TPRG1: variants seen among roughly 807,000 people sequenced by gnomAD.
TPRG1 encodes the protein tumor protein p63 regulated 1.
A neutral mutation model predicts 29.3 loss-of-function variants in TPRG1; 29 were observed. The observed-to-expected ratio is 0.99, with a 90% CI of 0.74 to 1.35. The LOEUF (loss-of-function observed/expected upper bound fraction) is 1.35. Ranked by LOEUF, TPRG1 falls within the 40% of genes most tolerant of loss-of-function variation. The pLI, the probability that TPRG1 is intolerant of heterozygous loss-of-function variation, is 0.00. For missense variants in TPRG1, 327 were observed against 335.0 expected, an observed-to-expected ratio of 0.98 and a Z score of 0.19; for synonymous variants, 130 against 116.8, an observed-to-expected ratio of 1.11 and a Z score of -0.73.
chr3:189,218,386 G>A (rs1227816337), intron 3 of TPRG1, among the ~76,000 whole-genome samples: 1 of 152,132 alleles, frequency 6.6e-6, no homozygotes, highest in African/African-American at 2.4e-5. Context: ...AAAGTGCTAG[G>A]ATTACAGGCG....
intron 4 of TPRG1, among the ~76,000 whole-genome samples, chr3:189,071,247 A>T (rs1716796388): frequency 6.6e-6 from 1 of 152,114 alleles, no homozygotes; most frequent in Non-Finnish European, 1.5e-5. Context: ...TTCCTTTTCC[A>T]TGTGGGAACT....
rs180831998 is a variant in TPRG1 at position 189,199,568 on chromosome 3, G to A, written c.-9-7808G>A. On this transcript the variant is annotated intron_variant, in intron 1 of 5. Transcript: ENST00000345063. ...AAGAGTAGTATCCAGGGCCGGGCCC[G>A]ATGGCTTACGCCTGTAATCCCAGCA... 6.0e-3 allele frequency among the ~76,000 whole-genome samples: 911 copies of A among 152,252 alleles called. 11 individuals carry two copies. The highest frequency in any genetic ancestry group is 0.019 in the African/African-American group (789 of 41,558).
chr3:189,312,108 T>TCTTTCTTCCTTC (rs1722635738), intron 5 of TPRG1, among the ~76,000 whole-genome samples: 1 of 77,182 alleles, frequency 1.3e-5, no homozygotes, highest in African/African-American at 6.2e-5. Context: ...TTTCTTTGTT[T>TCTTTCTTCCTTC]CTTTCTTTGT....
intron 4 of TPRG1, among the ~76,000 whole-genome samples, chr3:189,041,488 G>A (rs1290055749): frequency 6.6e-6 from 1 of 152,162 alleles, no homozygotes; most frequent in Non-Finnish European, 1.5e-5. Context: ...CAGGACTATT[G>A]TGATTAAGTA....
intron 5 of TPRG1, among the ~76,000 whole-genome samples, chr3:189,157,919 A>G (rs867396834): frequency 2.6e-5 from 4 of 152,158 alleles, no homozygotes; most frequent in Admixed American, 6.5e-5. Context: ...AGTATTATAC[A>G]ATGTATGTTG....
chr3:189,024,542 T>C (rs1272739159), intron 4 of TPRG1, among the ~76,000 whole-genome samples: 1 of 152,214 alleles, frequency 6.6e-6, no homozygotes, highest in Non-Finnish European at 1.5e-5. Context: ...AGTGTGGCGA[T>C]GTTCTGGTGA....
intron 1 of TPRG1, among the ~76,000 whole-genome samples, chr3:189,126,479 T>TTATC (rs1722510728): frequency 6.6e-6 from 1 of 152,218 alleles, no homozygotes; most frequent in Non-Finnish European, 1.5e-5. Context: ...ACCTGCCTTA[T>TTATC]TATCCCCTGG....
chr3:189,258,870 C>T (rs1712436247), intron 4 of TPRG1, among the ~76,000 whole-genome samples: 1 of 152,146 alleles, frequency 6.6e-6, no homozygotes, highest in Non-Finnish European at 1.5e-5. Flanking sequence ...AGCTCAGTGT[C>T]CCAGGTCGAC....
At chr3:189,218,244 G>C (rs1170147924) in intron 3 of TPRG1, among the ~76,000 whole-genome samples, 2 of 151,946 alleles carry the variant, frequency 1.3e-5, no homozygotes, top group Non-Finnish European at 2.9e-5. Context: ...CTCCTGAGTA[G>C]CTGGGACTAC....
intron 5 of TPRG1, among the ~76,000 whole-genome samples, chr3:189,163,959 A>AT (rs3884278): frequency 0.23 from 34,965 of 151,074 alleles, 7,980 homozygotes; most frequent in African/African-American, 0.59. Context: ...AAAAATATGC[A>AT]TTTTTTTTTC....
At chr3:189,036,765 A>G (rs1578222837) in intron 4 of TPRG1, among the ~76,000 whole-genome samples, 1 of 151,994 alleles carries the variant, frequency 6.6e-6, no homozygotes, top group Non-Finnish European at 1.5e-5. Flanking sequence ...AAGGTGATGT[A>G]AATTTAGATG....
intron 3 of TPRG1, among the ~76,000 whole-genome samples, chr3:189,238,331 T>C (rs1739878203): frequency 6.6e-6 from 1 of 152,202 alleles, no homozygotes; most frequent in African/African-American, 2.4e-5. Context: ...AAATTTGTGG[T>C]ACGGATTCAG....
chr3:189,030,454 T>C (rs1713873067), intron 4 of TPRG1, among the ~76,000 whole-genome samples: 1 of 152,238 alleles, frequency 6.6e-6, no homozygotes. Context: ...CTTTCTTTTT[T>C]CTAATTAATC....
At chr3:189,229,241 A>C (rs1738262259) in intron 3 of TPRG1, among the ~76,000 whole-genome samples, 1 of 152,214 alleles carries the variant, frequency 6.6e-6, no homozygotes, top group Non-Finnish European at 1.5e-5. Flanking sequence ...AAATCTAAGC[A>C]AGATATTTTT....
intron 4 of TPRG1, among the ~76,000 whole-genome samples, chr3:189,071,881 A>C (rs886810210): frequency 6.6e-6 from 1 of 152,212 alleles, no homozygotes; most frequent in African/African-American, 2.4e-5. Flanking sequence ...TAAAATCAGC[A>C]CCTAGATCTC....
At chr3:189,274,530 C>T (rs988284806) in intron 4 of TPRG1, among the ~76,000 whole-genome samples, 2 of 152,076 alleles carry the variant, frequency 1.3e-5, no homozygotes, top group African/African-American at 4.8e-5. Context: ...ATTTGAATGA[C>T]TCTTGTGTGT....
intron 2 of TPRG1, among the ~76,000 whole-genome samples, chr3:189,129,478 G>A (rs191941339): frequency 6.6e-6 from 1 of 152,272 alleles, no homozygotes; most frequent in East Asian, 1.9e-4. Context: ...CTGTAAATTT[G>A]CTGTTTCCCC....
At chr3:189,229,738 G>GT (rs1163501723) in intron 3 of TPRG1, among the ~76,000 whole-genome samples, 1 of 152,134 alleles carries the variant, frequency 6.6e-6, no homozygotes, top group Non-Finnish European at 1.5e-5. Context: ...GTCTTTCCAG[G>GT]TACCAGGAAG....
intron 3 of TPRG1, among the ~76,000 whole-genome samples, chr3:189,138,161 G>T (rs1056573399): frequency 1.3e-5 from 2 of 152,120 alleles, no homozygotes; most frequent in African/African-American, 4.8e-5. Flanking sequence ...TTAGAGCTGG[G>T]TCCTGCAAGT....
Sources: allele counts gnomAD v4.1 joint callset (sites outside exome capture counted in the v4.1 genomes callset), GRCh38; gene constraint gnomAD v4.1.1; transcripts MANE v1.5; gene names NCBI Gene and HGNC (gene_info 2026-07-23, HGNC 2026-07-21).